The following CCDC7 variants were observed in gnomAD, a reference collection of about 807,000 sequenced individuals.
CCDC7 encodes coiled-coil domain-containing protein 7.
Under a neutral mutation model 196.9 loss-of-function variants are expected in CCDC7, and 183 were observed. The ratio of observed to expected loss-of-function variants is 0.93; its 90% CI spans 0.82 to 1.05. The LOEUF (loss-of-function observed/expected upper bound fraction) is 1.05, where lower values mean the gene tolerates loss of function less well. Among genes scored for constraint, CCDC7 ranks in the 50% least tolerant of loss-of-function variants. CCDC7 has a pLI of 0.00. For missense variants in CCDC7, 1,540 were observed against 1,482.2 expected, an observed-to-expected ratio of 1.04 and a Z score of -0.64; for synonymous variants, 525 against 484.6, an observed-to-expected ratio of 1.08 and a Z score of -1.10.
chr10:32,819,441 G>A (rs1405461087), intron 31 of CCDC7, among the ~76,000 whole-genome samples: 1 of 152,188 alleles, frequency 6.6e-6, no homozygotes, highest in African/African-American at 2.4e-5. Context: ...TAGAAAAAGA[G>A]GGAATCCTCC....
intron 29 of CCDC7, among the ~76,000 whole-genome samples, chr10:32,780,104 G>A (rs1015895880): frequency 1.3e-5 from 2 of 152,148 alleles, no homozygotes; most frequent in Non-Finnish European, 2.9e-5. Context: ...AGGCATGGTG[G>A]TACACGCCTA....
rs56089046 is a variant in CCDC7 at position 32,619,910 on chromosome 10, C to CTTTTTTTTTTTTTTT, written c.1802-14328_1802-14314dup. 2.5e-4 allele frequency among the ~76,000 whole-genome samples: 20 copies of CTTTTTTTTTTTTTTT among 79,276 alleles called. 1 individual carries two copies. Among genetic ancestry groups the CTTTTTTTTTTTTTTT allele is most frequent in the African/African-American group, 1.0e-3 (16 of 15,308 alleles). 52.0% of individuals were successfully genotyped at this position (79,276 alleles called of 152,430 possible). On this transcript the variant is annotated intron_variant, in intron 18 of 41. Transcript: ENST00000639629. Reference sequence around the variant, plus strand: ...CACTGCTCCCAGCCCTTCAATGTACCTTTTTTTTTTTTTTTTTTTTTTTTT... The same window carrying CTTTTTTTTTTTTTTT: ...CACTGCTCCCAGCCCTTCAATGTACCTTTTTTTTTTTTTTTTTTTTTTTTTTTTTTTTTTTTTTTT...
intron 22 of CCDC7, among the ~76,000 whole-genome samples, chr10:32,687,831 C>T (rs1468457389): frequency 6.6e-6 from 1 of 152,112 alleles, no homozygotes; most frequent in Non-Finnish European, 1.5e-5. Flanking sequence ...GAGGAAATAG[C>T]ACATGTGTTA....
chr10:32,505,487 G>A (rs906421303), intron 9 of CCDC7, among the ~76,000 whole-genome samples: 10 of 152,080 alleles, frequency 6.6e-5, no homozygotes, highest in East Asian at 1.9e-4. Context: ...CAGAGAGCAC[G>A]GGGTTGGGGG....
chr10:32,608,122 A>G (rs1222308476), intron 18 of CCDC7, among the ~76,000 whole-genome samples: 1 of 151,888 alleles, frequency 6.6e-6, no homozygotes, highest in East Asian at 1.9e-4. Flanking sequence ...GTCTCTGATG[A>G]TCTTTTGTAT....
chr10:32,461,740 T>TA (rs2035766796), intron 3 of CCDC7, among the ~76,000 whole-genome samples: 2 of 73,370 alleles, frequency 2.7e-5, no homozygotes, highest in South Asian at 1.0e-3. Context: ...TGTATATATA[T>TA]ATATATATAT....
intron 18 of CCDC7, among the ~76,000 whole-genome samples, chr10:32,617,430 A>G (rs1221961313): frequency 3.3e-5 from 5 of 151,798 alleles, no homozygotes; most frequent in Non-Finnish European, 7.4e-5. Context: ...CTTTAATGCT[A>G]TAAACCCCTC....
chr10:32,684,447 G>T (rs1215128232), intron 21 of CCDC7, among the ~76,000 whole-genome samples: 1 of 152,034 alleles, frequency 6.6e-6, no homozygotes, highest in Non-Finnish European at 1.5e-5. Flanking sequence ...GTCCCCAGGG[G>T]CTCTCAAGCA....
chr10:32,720,860 A>G (rs2082305986), intron 25 of CCDC7, among the ~76,000 whole-genome samples: 1 of 152,106 alleles, frequency 6.6e-6, no homozygotes, highest in South Asian at 2.1e-4. Flanking sequence ...GGGAGACCGA[A>G]GTGGGTATAT....
intron 5 of CCDC7, among the ~76,000 whole-genome samples, chr10:32,464,208 C>T (rs550875396): frequency 6.6e-6 from 1 of 152,262 alleles, no homozygotes; most frequent in East Asian, 1.9e-4. Flanking sequence ...AACTAAATTA[C>T]TTTTTAAAAA....
At chr10:32,831,513 C>G (rs1477515016) in intron 32 of CCDC7, among the ~76,000 whole-genome samples, 1 of 152,114 alleles carries the variant, frequency 6.6e-6, no homozygotes, top group African/African-American at 2.4e-5. Context: ...TAACATTTAA[C>G]TTAAAACACA....
intron 24 of CCDC7, among the ~76,000 whole-genome samples, chr10:32,711,139 AAT>A (rs930728074): frequency 1.1e-4 from 16 of 141,100 alleles, no homozygotes; most frequent in Middle Eastern, 7.4e-3. Flanking sequence ...TATATATATA[AAT>A]ATATATATAC....
intron 8 of CCDC7, among the ~76,000 whole-genome samples, chr10:32,489,026 A>G (rs1364098896): frequency 1.2e-4 from 18 of 152,330 alleles, no homozygotes; most frequent in Non-Finnish European, 1.3e-4. Flanking sequence ...ACAGTGGGAA[A>G]GCCTGACAGA....
At chr10:32,786,581 C>T (rs1032563588) in intron 29 of CCDC7, among the ~76,000 whole-genome samples, 18 of 151,954 alleles carry the variant, frequency 1.2e-4, no homozygotes, top group African/African-American at 2.9e-4. Context: ...GCCAACATGG[C>T]GAAACTTCAT....
At chr10:32,813,804 C>T (rs1052135843) in intron 30 of CCDC7, among the ~76,000 whole-genome samples, 2 of 152,114 alleles carry the variant, frequency 1.3e-5, no homozygotes, top group African/African-American at 4.8e-5. Flanking sequence ...TTACCTTTCC[C>T]TGGCTATATG....
At chr10:32,668,253 C>T (rs1488787716) in intron 21 of CCDC7, among the ~76,000 whole-genome samples, 1 of 152,144 alleles carries the variant, frequency 6.6e-6, no homozygotes, top group Non-Finnish European at 1.5e-5. Context: ...TGCCTATCAG[C>T]TTAAGGAGAT....
intron 28 of CCDC7, among the ~76,000 whole-genome samples, chr10:32,771,438 T>C (rs2079141991): frequency 6.6e-6 from 1 of 152,218 alleles, no homozygotes; most frequent in South Asian, 2.1e-4. Flanking sequence ...TGTTTAAGGA[T>C]GTTGAAGATA....
In CCDC7 at chr10:32,688,032, G is replaced by A. The variant is rs544398940; in HGVS notation, c.2234-1021G>A. 2.6e-5 allele frequency among the ~76,000 whole-genome samples: 4 copies of A among 152,214 alleles called. No homozygotes were observed. The East Asian group carries it at 7.7e-4, about 29-fold the overall frequency. On this transcript the variant is annotated intron_variant, in intron 22 of 41. Transcript: ENST00000639629. ...CCAAACTTTCAGAGAACAAATGATAGCCTATAGAGAAAGGAGAGTGCCTCT... is the reference window on the plus strand; with the variant it reads ...CCAAACTTTCAGAGAACAAATGATAACCTATAGAGAAAGGAGAGTGCCTCT...
intron 20 of CCDC7, among the ~76,000 whole-genome samples, chr10:32,638,213 A>G (rs1278623757): frequency 1.3e-5 from 2 of 152,078 alleles, no homozygotes; most frequent in African/African-American, 4.8e-5. Flanking sequence ...CTAATTCAAT[A>G]CCCTTTATAT....
Sources: allele counts gnomAD v4.1 joint callset (sites outside exome capture counted in the v4.1 genomes callset), GRCh38; gene constraint gnomAD v4.1.1; transcripts MANE v1.5; gene names NCBI Gene and HGNC (gene_info 2026-07-23, HGNC 2026-07-21).